WNK2: variants seen among roughly 807,000 people sequenced by gnomAD.
WNK2 encodes the protein serine/threonine-protein kinase WNK2.
In WNK2, 67 loss-of-function variants were observed where a neutral mutation model predicts 192.1. The ratio of observed to expected loss-of-function variants is 0.35; its 90% CI spans 0.29 to 0.43. WNK2 has a LOEUF of 0.43. Among genes scored for constraint, WNK2 ranks in the 20% least tolerant of loss-of-function variants. The probability of loss-of-function intolerance (pLI) is 1.00; values close to 1 mark genes in which losing one functional copy is unlikely to be tolerated. For missense variants in WNK2, 2,698 were observed against 3,089.7 expected, an observed-to-expected ratio of 0.87 and a Z score of 3.01; for synonymous variants, 1,439 against 1,393.9, an observed-to-expected ratio of 1.03 and a Z score of -0.72.
At chr9:93,198,394 G>A (rs1267807383) in intron 2 of WNK2, among the ~76,000 whole-genome samples, 1 of 152,240 alleles carries the variant, frequency 6.6e-6, no homozygotes, top group African/African-American at 2.4e-5. Flanking sequence ...CCCACCTGTT[G>A]CCCATCCAGC....
intron 29 of WNK2, chr9:93,319,404 G>A: frequency 1.0e-6 from 1 of 985,454 alleles, no homozygotes; most frequent in African/African-American, 1.7e-5. Context: ...ATCTGGCAGG[G>A]CTGCCTGGCC....
chr9:93,234,737 C>T (rs993221842), intron 4 of WNK2, 71 bp from the exon 5 acceptor site: 41 of 1,539,736 alleles, frequency 2.7e-5, no homozygotes, highest in Non-Finnish European at 3.4e-5. Flanking sequence ...CCAAAGCTCC[C>T]GGGACACTGG....
rs112939660 is a variant in WNK2, at chr9:93,252,954, A to G, written c.1906A>G (p.Met636Val). 2.8e-4 allele frequency: 439 copies of G among 1,578,280 alleles called. 1 individual carries two copies. The African/African-American group carries it at 4.8e-3, about 17-fold the overall frequency. The change falls in exon 9 of 30, where the codon ATG becomes GTG. Residue 636 changes from methionine (M) to valine (V), a missense_variant. This residue lies in a region of WNK2 where 893 missense variants were observed against 909.0 expected (regional missense o/e 0.98). Transcript: ENST00000427277. ...CTCGCAGAGCAGCCAGCAGAGCGTG[A>G]TGCTTGGCTCCCTTGCCGACGCAGC... ...SDSQSSQQSV[M>V]LGSLADAAPS...
At chr9:93,274,080 A>G (rs1478958765) in intron 19 of WNK2, among the ~76,000 whole-genome samples, 1 of 152,222 alleles carries the variant, frequency 6.6e-6, no homozygotes, top group Non-Finnish European at 1.5e-5. Flanking sequence ...AAGCATAATG[A>G]AGAAAATAAA....
At chr9:93,186,169 T>C (rs1235828164) in intron 2 of WNK2, among the ~76,000 whole-genome samples, 2 of 152,168 alleles carry the variant, frequency 1.3e-5, no homozygotes, top group African/African-American at 4.8e-5. Flanking sequence ...CCAGAGGTGG[T>C]GCCTGGTAGA....
chr9:93,187,155 G>A (rs1193835068), intron 2 of WNK2, among the ~76,000 whole-genome samples: 3 of 152,298 alleles, frequency 2.0e-5, no homozygotes, highest in African/African-American at 7.2e-5. Context: ...CTGGATTTGA[G>A]TTAGACCTCG....
In WNK2 at chr9:93,262,158, C is replaced by T. The variant is rs73651203; in HGVS notation, c.3360+51C>T. Reference sequence around the variant, plus strand: ...CCCATGACTGGGCAGTTGCGGCCACCGGGGATCTGCATAGTGACCTGGGGT... The same window carrying T: ...CCCATGACTGGGCAGTTGCGGCCACTGGGGATCTGCATAGTGACCTGGGGT... On this transcript the variant is annotated intron_variant, in intron 13 of 29. Transcript: ENST00000427277. 11,714 of 1,522,082 alleles carry T rather than the reference C, an allele frequency of 7.7e-3. 776 individuals carry two copies. In the African/African-American group the frequency reaches 0.14, roughly 18 times the overall value. The allele number at this position is 1,522,082 out of a possible 1,614,324, so 94.3% of individuals were successfully genotyped here.
At chr9:93,284,891 G>C (rs1848228056) in intron 19 of WNK2, among the ~76,000 whole-genome samples, 1 of 152,176 alleles carries the variant, frequency 6.6e-6, no homozygotes, top group South Asian at 2.1e-4. Context: ...TTGCTTATTT[G>C]AGTTGATACC....
At chr9:93,298,116 C>T (rs183681890) in intron 24 of WNK2, 49 bp downstream of exon 24, 17 of 1,537,084 alleles carry the variant, frequency 1.1e-5, no homozygotes, top group Non-Finnish European at 1.1e-5. Flanking sequence ...TGGGGACCCC[C>T]GAGTGAGCCT....
chr9:93,256,736 C>T, intron 10 of WNK2: 1 of 674,602 alleles, frequency 1.5e-6, no homozygotes, highest in East Asian at 2.8e-5. Flanking sequence ...ATCTGCTGTG[C>T]CCTGGCTCCA....
chr9:93,283,636 C>G (rs1742318967), intron 19 of WNK2, among the ~76,000 whole-genome samples: 1 of 152,176 alleles, frequency 6.6e-6, no homozygotes, highest in South Asian at 2.1e-4. Flanking sequence ...CTCATGTCTA[C>G]CCTTCATGGT....
At chr9:93,290,436 A>G (rs572758205) in intron 21 of WNK2, among the ~76,000 whole-genome samples, 25 of 152,066 alleles carry the variant, frequency 1.6e-4, no homozygotes, top group Admixed American at 6.5e-4. Context: ...CAGGGAAGCC[A>G]AAAGACTGGA....
At position 93,261,930 on chromosome 9, in the gene WNK2, C is replaced by A; in HGVS notation, c.3183C>A (p.Ala1061=). 1.9e-6 allele frequency: 3 copies of A among 1,609,640 alleles called. No individual in the cohort carries two copies. Among genetic ancestry groups the A allele is most frequent in the Non-Finnish European group, 2.5e-6 (3 of 1,179,742 alleles). The change falls in exon 13 of 30, where the codon GCC becomes GCA. Residue 1061 remains alanine (A), a synonymous_variant. Transcript: ENST00000427277. The part of the protein sequence containing the change: ...SPPLPEVLLP[A]APELLPQFPS... ...CTCTGCCGGAAGTGCTGCTGCCTGC[C>A]GCCCCTGAGCTCCTGCCTCAGTTCC... is the stretch of plus-strand genomic sequence containing the variant.
Position 93,318,276 on chromosome 9 carries a change from A to G in WNK2, c.6628+645A>G, listed in dbSNP as rs142675606. ...TTTACAAATCTGAAGCTGAAGTTCAATCTTTGGTTTTCTGTTGTAAATGCC... is the reference window on the plus strand; with the variant it reads ...TTTACAAATCTGAAGCTGAAGTTCAGTCTTTGGTTTTCTGTTGTAAATGCC... On this transcript the variant is annotated intron_variant, in intron 29 of 29. Coordinates refer to ENST00000427277, the MANE Select transcript of WNK2 (RefSeq NM_006648.4). 4.4e-5 allele frequency: 66 copies of G among 1,508,610 alleles called. No individual in the cohort carries two copies. In the East Asian group the frequency reaches 1.3e-3, roughly 29 times the overall value. The allele number at this position is 1,508,610 out of a possible 1,614,324, so 93.5% of individuals were successfully genotyped here.
intron 26 of WNK2, among the ~76,000 whole-genome samples, chr9:93,301,169 C>T (rs1486926423): frequency 6.6e-6 from 1 of 152,254 alleles, no homozygotes; most frequent in African/African-American, 2.4e-5. Flanking sequence ...ACCCTCAGGA[C>T]GATCGGCCAG....
intron 23 of WNK2, among the ~76,000 whole-genome samples, chr9:93,295,202 G>A (rs970981548): frequency 1.3e-5 from 2 of 152,126 alleles, no homozygotes; most frequent in South Asian, 2.1e-4. Flanking sequence ...GTCTGGGACC[G>A]CGGGAGCTGG....
chr9:93,301,249 G>A (rs938290289), intron 26 of WNK2, among the ~76,000 whole-genome samples: 2 of 152,210 alleles, frequency 1.3e-5, no homozygotes, highest in Non-Finnish European at 2.9e-5. Context: ...TTCAACAATT[G>A]GATTGGATAT....
chr9:93,240,101 C>CGGT, intron 7 of WNK2, 125 bp downstream of exon 7: 1 of 1,008,032 alleles, frequency 9.9e-7, no homozygotes, highest in Non-Finnish European at 1.5e-6. Context: ...GTGGGTGTGG[C>CGGT]GGTGCCATCC....
intron 2 of WNK2, among the ~76,000 whole-genome samples, chr9:93,193,970 G>C (rs548461087): frequency 6.6e-6 from 1 of 152,320 alleles, no homozygotes; most frequent in East Asian, 1.9e-4. Context: ...AAAGTCAACT[G>C]ATCTCTGACA....
Sources: allele counts gnomAD v4.1 joint callset (sites outside exome capture counted in the v4.1 genomes callset), GRCh38; gene constraint gnomAD v4.1.1; regional missense constraint gnomAD v4.1.1; transcripts MANE v1.5; gene names NCBI Gene and HGNC (gene_info 2026-07-23, HGNC 2026-07-21).